Variants in SEC14L1 observed in about 807,000 individuals in gnomAD.
SEC14L1 encodes SEC14-like protein 1.
In SEC14L1, 48 loss-of-function variants were observed where a neutral mutation model predicts 85.3. That is an observed-to-expected ratio of 0.56 (90% CI 0.45 to 0.72). The LOEUF is 0.72. Ranked by LOEUF, SEC14L1 falls within the 30% of genes least tolerant of loss-of-function variation. The pLI, the probability that SEC14L1 is intolerant of heterozygous loss-of-function variation, is 0.00. For synonymous variants in SEC14L1, 391 were observed against 355.5 expected (o/e 1.10, Z -1.12); for missense variants, 682 against 921.4 (o/e 0.74, Z 3.36).
intron 3 of SEC14L1, among the ~76,000 whole-genome samples, chr17:77,111,808 G>A (rs992480573): frequency 6.6e-6 from 1 of 152,198 alleles, no homozygotes; most frequent in Non-Finnish European, 1.5e-5. Flanking sequence ...GACTTGCCTT[G>A]TCTCAGATGA....
chr17:77,141,423 G>GC (rs926821319), intron 1 of SEC14L1: 1 of 149,366 alleles, frequency 6.7e-6, no homozygotes, highest in African/African-American at 2.5e-5. Flanking sequence ...CGGAGCCAGT[G>GC]CCCGCCCCTC....
intron 3 of SEC14L1, among the ~76,000 whole-genome samples, chr17:77,157,559 G>T (rs1048286097): frequency 1.3e-5 from 2 of 150,764 alleles, no homozygotes; most frequent in Non-Finnish European, 1.5e-5. Flanking sequence ...ATGGGGCCTC[G>T]CTGCGTTGCC....
At chr17:77,167,541 A>C (rs1974338719) in intron 3 of SEC14L1, among the ~76,000 whole-genome samples, 2 of 152,068 alleles carry the variant, frequency 1.3e-5, no homozygotes, top group Admixed American at 1.3e-4. Flanking sequence ...TTTTTAGAGC[A>C]ATTACAGGTT....
intron 13 of SEC14L1, among the ~76,000 whole-genome samples, chr17:77,207,719 C>T (rs1440770559): frequency 3.9e-5 from 6 of 152,018 alleles, no homozygotes; most frequent in Admixed American, 6.6e-5. Context: ...TCCAAAGTGC[C>T]GGGATTACAG....
At chr17:77,188,212 G>A (rs1380947966) in intron 3 of SEC14L1, among the ~76,000 whole-genome samples, 3 of 152,210 alleles carry the variant, frequency 2.0e-5, no homozygotes, top group Non-Finnish European at 4.4e-5. Flanking sequence ...AGCACAGTCA[G>A]GATGCTGCCG....
chr17:77,128,619 T>G (rs1408185568), intron 3 of SEC14L1, among the ~76,000 whole-genome samples: 1 of 151,734 alleles, frequency 6.6e-6, no homozygotes, highest in African/African-American at 2.4e-5. Flanking sequence ...CCACCAGGCC[T>G]GGCTAATTTT....
At chr17:77,158,110 G>A (rs531033224) in intron 3 of SEC14L1, among the ~76,000 whole-genome samples, 1 of 152,096 alleles carries the variant, frequency 6.6e-6, no homozygotes, top group South Asian at 2.1e-4. Context: ...GACTGGTCTC[G>A]AACTCCTGAC....
chr17:77,180,567 A>T (rs924055316), intron 3 of SEC14L1, among the ~76,000 whole-genome samples: 1 of 152,110 alleles, frequency 6.6e-6, no homozygotes, highest in Non-Finnish European at 1.5e-5. Flanking sequence ...CTAAGCGCAG[A>T]TTACCAGTCT....
At chr17:77,120,861 T>A (rs1972278882) in intron 3 of SEC14L1, among the ~76,000 whole-genome samples, 1 of 152,180 alleles carries the variant, frequency 6.6e-6, no homozygotes. Flanking sequence ...GTGACTGAGA[T>A]TCAGCTAATT....
In SEC14L1 at chr17:77,196,315, A is replaced by T; in HGVS notation, c.819+4A>T. ...CCAGGAGACCCACAAGGGCAAAGTGAGTGTCAGCACCACACCCAGTGTGCA... is the reference window on the plus strand; with the variant it reads ...CCAGGAGACCCACAAGGGCAAAGTGTGTGTCAGCACCACACCCAGTGTGCA... On this transcript the variant is annotated splice_donor_region_variant and intron_variant, in intron 8 of 16. Transcript: ENST00000436233. 3 of 1,577,268 alleles carry T rather than the reference A, an allele frequency of 1.9e-6. No individual in the cohort carries two copies. The highest frequency in any genetic ancestry group is 2.6e-6 in the Non-Finnish European group (3 of 1,146,846).
chr17:77,110,272 T>C (rs952549190), intron 3 of SEC14L1, among the ~76,000 whole-genome samples: 37 of 152,162 alleles, frequency 2.4e-4, no homozygotes, highest in African/African-American at 8.9e-4. Context: ...GTGGCTTGCA[T>C]TGTTGGACAA....
chr17:77,157,461 G>C (rs1312101348), intron 3 of SEC14L1, among the ~76,000 whole-genome samples: 2 of 152,134 alleles, frequency 1.3e-5, no homozygotes, highest in African/African-American at 4.8e-5. Context: ...AGAACCCCTG[G>C]TGTGGATTTG....
chr17:77,119,963 T>G (rs1972257444), intron 3 of SEC14L1, among the ~76,000 whole-genome samples: 1 of 152,222 alleles, frequency 6.6e-6, no homozygotes, highest in Non-Finnish European at 1.5e-5. Context: ...ACCCTCAGTC[T>G]GGATTTGCCC....
intron 3 of SEC14L1, among the ~76,000 whole-genome samples, chr17:77,115,531 C>T (rs891333011): frequency 2.0e-5 from 3 of 152,148 alleles, no homozygotes; most frequent in African/African-American, 7.2e-5. Flanking sequence ...TTGTTTCAGG[C>T]CCCTTTTGGG....
At chr17:77,167,733 G>T (rs1450982418) in intron 3 of SEC14L1, among the ~76,000 whole-genome samples, 2 of 152,196 alleles carry the variant, frequency 1.3e-5, no homozygotes, top group Non-Finnish European at 2.9e-5. Flanking sequence ...CAAAGAGTGA[G>T]CAAGGCGGGA....
intron 3 of SEC14L1, among the ~76,000 whole-genome samples, chr17:77,176,315 G>A (rs979736380): frequency 1.3e-5 from 2 of 151,906 alleles, no homozygotes; most frequent in African/African-American, 2.4e-5. Context: ...AAACCAATTA[G>A]GAAAGGATAG....
chr17:77,206,361 C>T lies in SEC14L1; in HGVS notation c.1302C>T (p.Ile434=). ...NYPETLGRLL[I]LRAPRVFPVL... The stretch of plus-strand genomic sequence containing the variant: ...CTGAGACACTGGGCCGCCTTCTCAT[C>T]CTGCGGGCGCCCAGGGTATTTCCTG... Residue 434 remains isoleucine, a synonymous_variant, in exon 12 of 17, where the codon ATC becomes ATT. Coordinates refer to ENST00000436233, the MANE Select transcript of SEC14L1 (RefSeq NM_001143998.2). This position sits in a 1 kb window ranked among gnomAD's most constrained non-coding sequence, Gnocchi z 4.3. 2 of 1,614,092 alleles carry T rather than the reference C, an allele frequency of 1.2e-6. No individual in the cohort carries two copies. Among genetic ancestry groups the T allele is most frequent in the East Asian group, 2.2e-5 (1 of 44,870 alleles).
At chr17:77,140,950 C>T (rs1972976757), upstream of SEC14L1, 1 of 148,620 alleles carries the variant, frequency 6.7e-6, no homozygotes, top group Non-Finnish European at 1.5e-5. Flanking sequence ...CAAGTGCCGT[C>T]GCCGCGCCCC....
At chr17:77,151,275 T>C (rs1834210175) in intron 3 of SEC14L1, among the ~76,000 whole-genome samples, 2 of 152,192 alleles carry the variant, frequency 1.3e-5, no homozygotes, top group African/African-American at 2.4e-5. Context: ...GTTTGTAAAG[T>C]TGTGAATGCC....
Sources: allele counts gnomAD v4.1 joint callset (sites outside exome capture counted in the v4.1 genomes callset), GRCh38; gene constraint gnomAD v4.1.1; non-coding constraint Gnocchi (gnomAD v3.1); transcripts MANE v1.5; gene names NCBI Gene and HGNC (gene_info 2026-07-23, HGNC 2026-07-21).